Variants in TIE1 observed in about 807,000 individuals in gnomAD.
TIE1 encodes tyrosine-protein kinase receptor Tie-1.
TIE1 carries 89 observed loss-of-function variants against 130.5 expected under a neutral mutation model. That is an observed-to-expected ratio of 0.68 (90% confidence interval 0.57 to 0.81). The LOEUF (loss-of-function observed/expected upper bound fraction) is 0.81. Ranked by LOEUF, TIE1 falls within the 40% of genes least tolerant of loss-of-function variation. TIE1 has a pLI of 0.00. For synonymous variants in TIE1, 568 were observed against 629.4 expected (o/e 0.90, Z 1.46); for missense variants, 1,392 against 1,559.8 (o/e 0.89, Z 1.81).
chr1:43,311,636 T>C (rs1279814675), intron 9 of TIE1, 35 bp from the exon 10 acceptor site: 10 of 1,597,380 alleles, frequency 6.3e-6, no homozygotes, highest in Non-Finnish European at 8.5e-6. Context: ...CTGGATAGGC[T>C]GTGTGCCCAT....
rs369026162 is a variant in TIE1, at chr1:43,305,241, C to T, written c.382C>T (p.Leu128Phe). 1.2e-6 allele frequency: 2 copies of T among 1,613,884 alleles called. No individual in the cohort carries two copies. The highest frequency in any genetic ancestry group is 1.7e-6 in the Non-Finnish European group (2 of 1,179,936). The change falls in exon 3 of 23, where the codon CTT (leucine) becomes TTT (phenylalanine). Residue 128 changes from leucine to phenylalanine, a missense_variant. Coordinates refer to ENST00000372476, the MANE Select transcript of TIE1 (RefSeq NM_005424.5). ...YVHNSPGAHL[L>F]PDKVTHTVNK... ...CACCTTCCACCCCGCAGCCCACCTG[C>T]TTCCAGACAAGGTCACACACACTGT...
In TIE1 at chr1:43,319,370, C is replaced by G. The variant is rs745746069; in HGVS notation, c.3036+22C>G. 6.8e-6 allele frequency: 11 copies of G among 1,612,172 alleles called. No homozygotes were observed. The highest frequency in any genetic ancestry group is 1.3e-5 in the African/African-American group (1 of 74,874). ...GATGGTGAGTCTCATTCAACCCTCA[C>G]CCTTAGGGCTTGTGCCTGGCCCTGC... is the stretch of plus-strand genomic sequence containing the variant. On this transcript the variant is annotated intron_variant, in intron 18 of 22. Transcript: ENST00000372476. This position sits in a 1 kb window ranked among gnomAD's most constrained non-coding sequence, Gnocchi z 4.7.
Position 43,313,487 on chromosome 1 carries a change from C to T in TIE1, c.2218+62C>T, listed in dbSNP as rs1265016093. 1.3e-6 allele frequency: 2 copies of T among 1,578,096 alleles called. No individual in the cohort carries two copies. Among genetic ancestry groups the T allele is most frequent in the Non-Finnish European group, 1.7e-6 (2 of 1,156,012 alleles). ...GAGCGGGGAGAGCTCAGCACGCTCT[C>T]CTTCCACATCACCCCCTACTGTGGA... On this transcript the variant is annotated intron_variant, in intron 13 of 22. Coordinates refer to ENST00000372476, the MANE Select transcript of TIE1 (RefSeq NM_005424.5). The surrounding 1 kb of genome is among the most constrained non-coding windows in gnomAD (Gnocchi z 6.2).
chr1:43,312,497 C>A lies in TIE1; in HGVS notation c.1823C>A (p.Thr608Lys), dbSNP rs772242897. 1 of 1,613,014 alleles carries A rather than the reference C, an allele frequency of 6.2e-7. No homozygotes were observed. The highest frequency in any genetic ancestry group is 8.5e-7 in the Non-Finnish European group (1 of 1,179,894). ...SSPQARTALL[T>K]GLTPGTHYQL... Reference sequence around the variant, plus strand: ...CCCCAGGCCCGCACTGCCCTCCTGACGGGACTCACGCCTGGCACCCACTAC... The same window carrying A: ...CCCCAGGCCCGCACTGCCCTCCTGAAGGGACTCACGCCTGGCACCCACTAC... Residue 608 changes from threonine to lysine, a missense_variant, in exon 12 of 23, where the codon ACG (threonine) becomes AAG (lysine). This residue lies in a region of TIE1 where 551 missense variants were observed against 565.5 expected (regional missense o/e 0.97). Coordinates refer to ENST00000372476, the MANE Select transcript of TIE1 (RefSeq NM_005424.5). This position sits in a 1 kb window ranked among gnomAD's most constrained non-coding sequence, Gnocchi z 5.6.
At position 43,312,633 on chromosome 1, in the gene TIE1, T is replaced by G. The variant is rs751655651; in HGVS notation, c.1927+32T>G. On this transcript the variant is annotated intron_variant, in intron 12 of 22. Coordinates refer to ENST00000372476, the MANE Select transcript of TIE1 (RefSeq NM_005424.5). The surrounding 1 kb of genome is among the most constrained non-coding windows in gnomAD (Gnocchi z 5.6). ...GCAAGGCGCAAGGATAGCTGGGGGT[T>G]GGGGGAGGACGTGGGACACAGGGAC... The G allele has an allele frequency of 6.4e-7, 1 of 1,562,820 alleles. No individual in the cohort carries two copies. Among genetic ancestry groups the G allele is most frequent in the African/African-American group, 1.4e-5 (1 of 74,008 alleles).
In TIE1 at chr1:43,319,183, G is replaced by C. The variant is rs1382150847; in HGVS notation, c.2923-52G>C. ...AGACTGACTCCTTACTGGCCTGACT[G>C]TCCTGGGCTCCCTCATCCCCAGTCT... On this transcript the variant is annotated intron_variant, in intron 17 of 22. Coordinates refer to ENST00000372476, the MANE Select transcript of TIE1 (RefSeq NM_005424.5). The surrounding 1 kb of genome is among the most constrained non-coding windows in gnomAD (Gnocchi z 4.7). 2.2e-6 allele frequency: 3 copies of C among 1,393,682 alleles called. No individual in the cohort carries two copies. The highest frequency in any genetic ancestry group is 3.1e-6 in the Non-Finnish European group (3 of 979,032). 86.3% of individuals were successfully genotyped at this position (1,393,682 alleles called of 1,614,324 possible).
Position 43,309,462 on chromosome 1 carries a change from T to C in TIE1, c.1263T>C (p.Ser421=). The change falls in exon 9 of 23, where the codon AGT becomes AGC. Residue 421 remains serine (S), a synonymous_variant. Transcript: ENST00000372476. The surrounding 1 kb of genome is among the most constrained non-coding windows in gnomAD (Gnocchi z 6.3). ...FEVPRLVLAD[S]GFWECRVSTS... Reference sequence around the variant, plus strand: ...TGCCCCGCTTGGTTCTTGCGGACAGTGGGTTCTGGGAGTGCCGTGTGTCCA... The same window carrying C: ...TGCCCCGCTTGGTTCTTGCGGACAGCGGGTTCTGGGAGTGCCGTGTGTCCA... 1 of 1,611,738 alleles carries C rather than the reference T, an allele frequency of 6.2e-7. No individual in the cohort carries two copies. Among genetic ancestry groups the C allele is most frequent in the African/African-American group, 1.3e-5 (1 of 74,900 alleles).
At chr1:43,321,359 G>A (rs564616694) in intron 20 of TIE1, 37 bp from the exon 21 acceptor site, 2 of 1,613,746 alleles carry the variant, frequency 1.2e-6, no homozygotes, top group South Asian at 2.2e-5. Flanking sequence ...ACCCCACGTG[G>A]AGCCCTGGAC....
At chr1:43,301,846 G>T (rs1570424699) in intron 1 of TIE1, among the ~76,000 whole-genome samples, 1 of 152,346 alleles carries the variant, frequency 6.6e-6, no homozygotes, top group East Asian at 1.9e-4. Context: ...TCCAGCCTGG[G>T]CGACAGAGCA....
In TIE1 at chr1:43,313,150, G is replaced by C. The variant is rs777663496; in HGVS notation, c.1943G>C (p.Arg648Pro). 1 of 1,605,266 alleles carries C rather than the reference G, an allele frequency of 6.2e-7. No homozygotes were observed. The highest frequency in any genetic ancestry group is 8.5e-7 in the Non-Finnish European group (1 of 1,176,032). ...ATCTCCCCAGGGCCTCCAGCCCCCC[G>C]ACACCTCCACGCCCAGGCCCTCTCA... ...LLPPSGPPAPRHLHAQALSDS... is the reference protein window; with the variant it reads ...LLPPSGPPAPPHLHAQALSDS... The change falls in exon 13 of 23, where the codon CGA becomes CCA. Residue 648 changes from arginine to proline, a missense_variant. Arg to Pro is a moderately radical substitution (Grantham distance 103). This residue lies in a region of TIE1 where 551 missense variants were observed against 565.5 expected (regional missense o/e 0.97). Transcript: ENST00000372476. The surrounding 1 kb of genome is among the most constrained non-coding windows in gnomAD (Gnocchi z 6.2).
Position 43,313,238 on chromosome 1 carries a change from C to A in TIE1, c.2031C>A (p.Tyr677Ter), listed in dbSNP as rs1179743788. 1 of 1,614,002 alleles carries A rather than the reference C, an allele frequency of 6.2e-7. No homozygotes were observed. Among genetic ancestry groups the A allele is most frequent in the Non-Finnish European group, 8.5e-7 (1 of 1,179,912 alleles). The change falls in exon 13 of 23, where the codon TAC becomes TAA. Residue 677 changes from tyrosine (Y) to a stop codon, truncating the protein, a stop_gained. Coordinates refer to ENST00000372476, the MANE Select transcript of TIE1 (RefSeq NM_005424.5). LOFTEE classifies it high-confidence loss of function. This position sits in a 1 kb window ranked among gnomAD's most constrained non-coding sequence, Gnocchi z 6.2. ...CTCTGCCTGGGCCAATATCCAAGTA[C>A]GTTGTGGAGGTGCAGGTGGCTGGGG... ...PEALPGPISK[Y>*]VVEVQVAGGA...
intron 19 of TIE1, chr1:43,320,135 C>T (rs889888978): frequency 6.3e-6 from 1 of 159,306 alleles, no homozygotes; most frequent in Non-Finnish European, 1.4e-5. Flanking sequence ...CCCTCCACCC[C>T]CTTTGAACTC....
chr1:43,314,738 G>T (rs184749054), intron 14 of TIE1: 128 of 194,154 alleles, frequency 6.6e-4, no homozygotes, highest in African/African-American at 2.8e-3. Context: ...TGAGGCAGGA[G>T]AATTGCTTAA....
intron 14 of TIE1, chr1:43,314,223 G>A: frequency 1.4e-6 from 1 of 693,834 alleles, no homozygotes; most frequent in Admixed American, 3.0e-5. Context: ...AGAATTCCGT[G>A]ATGACCATAT....
intron 3 of TIE1, 25 bp downstream of exon 3, chr1:43,305,368 G>A (rs1421687199): frequency 2.1e-5 from 32 of 1,518,284 alleles, no homozygotes; most frequent in Non-Finnish European, 2.8e-5. Context: ...TTGAACTGGT[G>A]GGGAGGGTAG....
In TIE1 at chr1:43,317,104, T is replaced by C. The variant is rs1646865036; in HGVS notation, c.2410-95T>C. ...CCATCTGGGTCTCTGCCCACTTGTC[T>C]GACACTGAAACCTCCTCGTGTGCCT... On this transcript the variant is annotated intron_variant, in intron 14 of 22. Coordinates refer to ENST00000372476, the MANE Select transcript of TIE1 (RefSeq NM_005424.5). This position sits in a 1 kb window ranked among gnomAD's most constrained non-coding sequence, Gnocchi z 5.1. 3.0e-6 allele frequency: 4 copies of C among 1,344,436 alleles called. No homozygotes were observed. In the Admixed American group the frequency reaches 5.1e-5, roughly 17 times the overall value. 83.3% of individuals were successfully genotyped at this position (1,344,436 alleles called of 1,614,324 possible).
At position 43,317,204 on chromosome 1, in the gene TIE1, G is replaced by A. The variant is rs1482582669; in HGVS notation, c.2415G>A (p.Glu805=). Residue 805 remains glutamate (E), a synonymous_variant, in exon 15 of 23, where the codon GAG becomes GAA. Transcript: ENST00000372476. This position sits in a 1 kb window ranked among gnomAD's most constrained non-coding sequence, Gnocchi z 5.1. Reference sequence around the variant, plus strand: ...TCTTGTCTCATCCTGTGAAGGGCGAGGAGACCATCCTGCAGTTCAGCTCAG... The same window carrying A: ...TCTTGTCTCATCCTGTGAAGGGCGAAGAGACCATCCTGCAGTTCAGCTCAG... ...RTFTYQSGSG[E]ETILQFSSGT... The A allele has an allele frequency of 7.4e-6, 12 of 1,613,964 alleles. No individual in the cohort carries two copies. Among genetic ancestry groups the A allele is most frequent in the Non-Finnish European group, 1.0e-5 (12 of 1,180,044 alleles).
At position 43,314,599 on chromosome 1, in the gene TIE1, G is replaced by A. The variant is rs1021274795; in HGVS notation, c.2409+631G>A. 120 of 970,326 alleles carry A rather than the reference G, an allele frequency of 1.2e-4. No homozygotes were observed. The Middle Eastern group carries it at 1.6e-3, about 13-fold the overall frequency. 60.1% of individuals were successfully genotyped at this position (970,326 alleles called of 1,614,324 possible). On this transcript the variant is annotated intron_variant, in intron 14 of 22. Transcript: ENST00000372476. Reference sequence around the variant, plus strand: ...TCCTAGCATTTTGGGAGGCTGAGGCGGGTGGATCGCCTGAGGTCAGGAGTT... The same window carrying A: ...TCCTAGCATTTTGGGAGGCTGAGGCAGGTGGATCGCCTGAGGTCAGGAGTT...
chr1:43,321,769 G>A, intron 22 of TIE1, 54 bp downstream of exon 22: 1 of 1,514,476 alleles, frequency 6.6e-7, no homozygotes, highest in Non-Finnish European at 9.0e-7. Context: ...GCTCCAGAGT[G>A]CCCTCTCAGA....
Sources: gnomAD v4.1 joint callset for allele counts (sites outside exome capture counted in the v4.1 genomes callset) on GRCh38, gnomAD v4.1.1 for gene constraint, gnomAD v4.1.1 regional missense constraint, Gnocchi (gnomAD v3.1) non-coding constraint, MANE v1.5 for transcripts, NCBI Gene and HGNC (gene_info 2026-07-23, HGNC 2026-07-21) for gene names.